The following TAS2R1 variants were observed in gnomAD, a reference collection of about 807,000 sequenced individuals.
TAS2R1 encodes taste receptor type 2 member 1.
For missense variants in TAS2R1, 370 were observed against 353.4 expected (o/e 1.05, Z -0.38); for synonymous variants, 141 against 134.2 (o/e 1.05, Z -0.35).
At chr5:9,672,907 A>G (rs922156057) in intron 1 of TAS2R1, among the ~76,000 whole-genome samples, 10 of 152,336 alleles carry the variant, frequency 6.6e-5, no homozygotes, top group Middle Eastern at 3.4e-3. Flanking sequence ...ATGCCCACCA[A>G]TGGCAGACTG....
the TAS2R1 span, among the ~76,000 whole-genome samples, chr5:9,745,835 A>T: frequency 1.3e-5 from 2 of 152,354 alleles, no homozygotes; most frequent in Non-Finnish European, 1.5e-5. Context: ...GCTAGGCAAT[A>T]TCATTCAGGA....
the TAS2R1 span, among the ~76,000 whole-genome samples, chr5:9,776,672 T>C: frequency 1.3e-5 from 2 of 152,156 alleles, no homozygotes; most frequent in Non-Finnish European, 2.9e-5. Context: ...TTCACCTGAC[T>C]TTCAGCTTAA....
At chr5:9,835,759 A>AG in the TAS2R1 span, among the ~76,000 whole-genome samples, 8 of 152,230 alleles carry the variant, frequency 5.3e-5, no homozygotes, top group African/African-American at 1.9e-4. Flanking sequence ...CCTCTCCCAC[A>AG]GCCTAATGTT....
At chr5:9,719,160 G>A in the TAS2R1 span, among the ~76,000 whole-genome samples, 1 of 152,094 alleles carries the variant, frequency 6.6e-6, no homozygotes, top group South Asian at 2.1e-4. Context: ...TCTACTTTTA[G>A]GAAATACACA....
At chr5:9,650,691 C>T (rs980747573) in intron 2 of TAS2R1, among the ~76,000 whole-genome samples, 2 of 152,160 alleles carry the variant, frequency 1.3e-5, no homozygotes, top group African/African-American at 4.8e-5. Flanking sequence ...TCACAAAAGA[C>T]TTGGTCCGAT....
chr5:9,804,053 C>T, the TAS2R1 span, among the ~76,000 whole-genome samples: 4 of 152,060 alleles, frequency 2.6e-5, no homozygotes, highest in African/African-American at 9.7e-5. Context: ...AAGAGATATT[C>T]CATGCCAATG....
chr5:9,763,021 T>C, the TAS2R1 span, among the ~76,000 whole-genome samples: 1 of 152,176 alleles, frequency 6.6e-6, no homozygotes, highest in Admixed American at 6.6e-5. Context: ...AAGAAATATA[T>C]ACAAAATTGC....
chr5:9,692,308 T>C (rs1741262093), intron 1 of TAS2R1, among the ~76,000 whole-genome samples: 1 of 152,312 alleles, frequency 6.6e-6, no homozygotes. Flanking sequence ...TTGGTACTTC[T>C]GAAAATGGAA....
the TAS2R1 span, among the ~76,000 whole-genome samples, chr5:9,795,104 T>C: frequency 6.6e-6 from 1 of 152,214 alleles, no homozygotes; most frequent in Admixed American, 6.5e-5. Flanking sequence ...TCTAGCTATT[T>C]GAAACTGTAT....
chr5:9,674,362 G>A (rs1469984113), intron 1 of TAS2R1, among the ~76,000 whole-genome samples: 1 of 152,032 alleles, frequency 6.6e-6, no homozygotes, highest in African/African-American at 2.4e-5. Context: ...AAACAAATAA[G>A]TACATCCCAC....
At chr5:9,731,179 C>T in the TAS2R1 span, among the ~76,000 whole-genome samples, 3 of 152,032 alleles carry the variant, frequency 2.0e-5, no homozygotes, top group Non-Finnish European at 4.4e-5. Context: ...GCCCTGCTGA[C>T]ATTCATCTCC....
the TAS2R1 span, among the ~76,000 whole-genome samples, chr5:9,820,977 A>T: frequency 6.6e-6 from 1 of 152,176 alleles, no homozygotes; most frequent in African/African-American, 2.4e-5. Flanking sequence ...AGAGCTTGGC[A>T]GGAAGTCAGG....
At chr5:9,867,457 T>A in the TAS2R1 span, among the ~76,000 whole-genome samples, 8 of 151,774 alleles carry the variant, frequency 5.3e-5, no homozygotes, top group Admixed American at 6.6e-5. Context: ...ATGCAAGGGA[T>A]CTGCTCTTTA....
chr5:9,633,294 TTATATATATA>T (rs200096603), upstream of TAS2R1, among the ~76,000 whole-genome samples: 2 of 67,800 alleles, frequency 2.9e-5, no homozygotes, highest in South Asian at 4.7e-4. Context: ...TGTGTGTATA[TTATATATATA>T]TATATATATA....
Position 9,629,938 on chromosome 5 carries a change from C to T in TAS2R1, c.95G>A (p.Gly32Asp). The change falls in exon 1 of 1, where the codon GGC (glycine) becomes GAC (aspartate). Residue 32 changes from glycine to aspartate, a missense_variant. Physicochemically the swap from Gly to Asp is moderately conservative, Grantham distance 94. Transcript: ENST00000382492. ...TTTTCTGTGCTTGATCAAGTCAATG[C>T]CATTCACCACCACAATGATGCCATT... ...FTNGIIVVVN[G>D]IDLIKHRKMA... 6.2e-7 allele frequency: 1 copy of T among 1,613,562 alleles called. No individual in the cohort carries two copies. The highest frequency in any genetic ancestry group is 8.5e-7 in the Non-Finnish European group (1 of 1,179,878).
chr5:9,690,679 C>T (rs1215734960), intron 1 of TAS2R1, among the ~76,000 whole-genome samples: 2 of 151,898 alleles, frequency 1.3e-5, no homozygotes, highest in Admixed American at 1.3e-4. Context: ...GACCAACCCT[C>T]TTGCTTCTGA....
the TAS2R1 span, among the ~76,000 whole-genome samples, chr5:9,881,160 G>A: frequency 6.6e-6 from 1 of 151,994 alleles, no homozygotes; most frequent in Non-Finnish European, 1.5e-5. Flanking sequence ...GCAGTCTCAG[G>A]ATACAAAATC....
the TAS2R1 span, among the ~76,000 whole-genome samples, chr5:9,887,806 G>A: frequency 6.6e-6 from 1 of 152,226 alleles, no homozygotes; most frequent in Non-Finnish European, 1.5e-5. Flanking sequence ...TGGAAAAATA[G>A]ATGGACATAA....
At chr5:9,725,587 G>C in the TAS2R1 span, among the ~76,000 whole-genome samples, 2 of 152,194 alleles carry the variant, frequency 1.3e-5, no homozygotes, top group Non-Finnish European at 2.9e-5. Context: ...AGCCCGCCAT[G>C]CCTGAGCACC....
Sources: gnomAD v4.1 joint callset for allele counts (sites outside exome capture counted in the v4.1 genomes callset) on GRCh38, gnomAD v4.1.1 for gene constraint, MANE v1.5 for transcripts, NCBI Gene and HGNC (gene_info 2026-07-23, HGNC 2026-07-21) for gene names.